EFNA2: variants seen among roughly 807,000 people sequenced by gnomAD.
EFNA2 encodes ephrin-A2.
EFNA2 carries 18 observed loss-of-function variants against 19.7 expected under a neutral mutation model. The observed-to-expected ratio is 0.91, with a 90% CI of 0.63 to 1.35. The LOEUF (loss-of-function observed/expected upper bound fraction) is 1.35, where lower values mean the gene tolerates loss of function less well. EFNA2 is among the 40% of genes most tolerant of loss of function. The probability of loss-of-function intolerance (pLI) is 0.00; values close to 1 mark genes in which losing one functional copy is unlikely to be tolerated. For synonymous variants in EFNA2, 187 were observed against 137.8 expected (o/e 1.36, Z -2.50); for missense variants, 303 against 296.0 (o/e 1.02, Z -0.17).
chr19:1,300,137 G>C lies in EFNA2; in HGVS notation c.*192G>C, dbSNP rs2081534401. On this transcript the variant is annotated 3_prime_UTR_variant, in exon 4 of 4. Coordinates refer to ENST00000215368, the MANE Select transcript of EFNA2 (RefSeq NM_001405.4). ...GGACCAGCCCTCAGGGAGGGGAAAC[G>C]GCCGAGAGCCCCCCCCCGGAGGCCC... The C allele has an allele frequency of 1.3e-6, 1 of 764,240 alleles. No homozygotes were observed. The highest frequency in any genetic ancestry group is 1.9e-6 in the Non-Finnish European group (1 of 520,926). 47.3% of individuals were successfully genotyped at this position (764,240 alleles called of 1,614,324 possible). A position where few individuals can be genotyped will look rare whatever the true frequency, so the allele number is the denominator to read the frequency against.
At chr19:1,290,380 C>T (rs556229795) in intron 1 of EFNA2, among the ~76,000 whole-genome samples, 6 of 152,348 alleles carry the variant, frequency 3.9e-5, no homozygotes, top group African/African-American at 1.4e-4. Context: ...CCCTGGGCGG[C>T]CTCAGTTTGC....
chr19:1,298,748 C>T, intron 3 of EFNA2, 132 bp downstream of exon 3: 1 of 930,320 alleles, frequency 1.1e-6, no homozygotes, highest in Non-Finnish European at 1.6e-6. Context: ...CTTGCCCCAG[C>T]CTCGATTTCC....
At position 1,286,488 on chromosome 19, in the gene EFNA2, C is replaced by A. The variant is rs1398824576; in HGVS notation, c.140+180C>A. Among the ~76,000 whole-genome samples the A allele has an allele frequency of 6.6e-6, 1 of 151,346 alleles. No homozygotes were observed. The highest frequency in any genetic ancestry group is 1.5e-5 in the Non-Finnish European group (1 of 67,800). On this transcript the variant is annotated intron_variant, in intron 1 of 3. Transcript: ENST00000215368. The surrounding 1 kb of genome is among the most constrained non-coding windows in gnomAD (Gnocchi z 5.6). ...CCGGCCCCCCGGAGTTTGGGGGACT[C>A]GCCCTTTTCGCGCCTGCCTTCCCCG...
In EFNA2 at chr19:1,299,416, C is replaced by T. The variant is rs143180924; in HGVS notation, c.521-408C>T. Among the ~76,000 whole-genome samples the T allele has an allele frequency of 3.8e-4, 57 of 151,676 alleles. No homozygotes were observed. The East Asian group carries it at 6.8e-3, about 18-fold the overall frequency. On this transcript the variant is annotated intron_variant, in intron 3 of 3. Transcript: ENST00000215368. ...TGCTGAAAATACAAAATTAGCCGGGCGTGGTGGCACATGCCTGTAGTCCCA... is the reference window on the plus strand; with the variant it reads ...TGCTGAAAATACAAAATTAGCCGGGTGTGGTGGCACATGCCTGTAGTCCCA...
rs1198054394 is a variant in EFNA2 at position 1,286,693 on chromosome 19, T to C, written c.140+385T>C. On this transcript the variant is annotated intron_variant, in intron 1 of 3. Coordinates refer to ENST00000215368, the MANE Select transcript of EFNA2 (RefSeq NM_001405.4). This position sits in a 1 kb window ranked among gnomAD's most constrained non-coding sequence, Gnocchi z 5.6. ...CGCTTCTCTGGGGAGCCCCCTCGGTTTCGCATTTGGTGGGGATCCCCGGGG... is the reference window on the plus strand; with the variant it reads ...CGCTTCTCTGGGGAGCCCCCTCGGTCTCGCATTTGGTGGGGATCCCCGGGG... Among the ~76,000 whole-genome samples the C allele has an allele frequency of 6.6e-6, 1 of 152,050 alleles. No individual in the cohort carries two copies. The highest frequency in any genetic ancestry group is 2.4e-5 in the African/African-American group (1 of 41,412).
At chr19:1,291,049 C>T (rs1215889228) in intron 1 of EFNA2, among the ~76,000 whole-genome samples, 1 of 152,176 alleles carries the variant, frequency 6.6e-6, no homozygotes, top group African/African-American at 2.4e-5. Flanking sequence ...ACAGAGCAGC[C>T]GAGGCCCTGA....
chr19:1,293,750 C>G (rs191003436), intron 1 of EFNA2, among the ~76,000 whole-genome samples: 6 of 152,332 alleles, frequency 3.9e-5, no homozygotes, highest in African/African-American at 1.4e-4. Flanking sequence ...GTGACTTCAC[C>G]GCCTCCGCCG....
chr19:1,300,077 C>G lies in EFNA2; in HGVS notation c.*132C>G. Reference sequence around the variant, plus strand: ...ACGCTGCTTCTCCCTCGCCTGGTGCCGCCCCCGCCGGGCAGGGGCCATCCA... The same window carrying G: ...ACGCTGCTTCTCCCTCGCCTGGTGCGGCCCCCGCCGGGCAGGGGCCATCCA... On this transcript the variant is annotated 3_prime_UTR_variant, in exon 4 of 4. Coordinates refer to ENST00000215368, the MANE Select transcript of EFNA2 (RefSeq NM_001405.4). 1 of 1,295,504 alleles carries G rather than the reference C, an allele frequency of 7.7e-7. No individual in the cohort carries two copies. Among genetic ancestry groups the G allele is most frequent in the Non-Finnish European group, 1.0e-6 (1 of 981,732 alleles). 80.3% of individuals were successfully genotyped at this position (1,295,504 alleles called of 1,614,324 possible). A position where few individuals can be genotyped will look rare whatever the true frequency, so the allele number is the denominator to read the frequency against.
rs1248356398 is a variant in EFNA2, at chr19:1,296,997, C to T, written c.454+1139C>T. Among the ~76,000 whole-genome samples, 1 of 152,224 alleles carries T rather than the reference C, an allele frequency of 6.6e-6. No homozygotes were observed. The highest frequency in any genetic ancestry group is 2.4e-5 in the African/African-American group (1 of 41,446). On this transcript the variant is annotated intron_variant, in intron 2 of 3. Transcript: ENST00000215368. This position sits in a 1 kb window ranked among gnomAD's most constrained non-coding sequence, Gnocchi z 4.4. ...AGCAGCGCCAGCCGGAGTCCCAGTCCTGCTTGGCCATGATATCTGTGACCT... is the reference window on the plus strand; with the variant it reads ...AGCAGCGCCAGCCGGAGTCCCAGTCTTGCTTGGCCATGATATCTGTGACCT...
Position 1,300,413 on chromosome 19 carries a change from C to T in EFNA2, c.*468C>T, listed in dbSNP as rs1440520765. On this transcript the variant is annotated 3_prime_UTR_variant, in exon 4 of 4. Coordinates refer to ENST00000215368, the MANE Select transcript of EFNA2 (RefSeq NM_001405.4). ...GAACATGGGGTCGGGAACACAGCCG[C>T]TCCCCTCTGCTCTGCACCCCACTCG... Among the ~76,000 whole-genome samples, 2 of 151,890 alleles carry T rather than the reference C, an allele frequency of 1.3e-5. No individual in the cohort carries two copies. The highest frequency in any genetic ancestry group is 2.1e-4 in the South Asian group (1 of 4,812).
chr19:1,299,360 C>A (rs547525227), intron 3 of EFNA2, among the ~76,000 whole-genome samples: 1 of 152,050 alleles, frequency 6.6e-6, no homozygotes, highest in Admixed American at 6.6e-5. Context: ...AGATGGAGAC[C>A]GTCCTGGCCA....
chr19:1,293,616 G>A (rs2081501319), intron 1 of EFNA2, among the ~76,000 whole-genome samples: 1 of 150,722 alleles, frequency 6.6e-6, no homozygotes, highest in Admixed American at 6.6e-5. Flanking sequence ...CCTGGTGCCC[G>A]GGGGAGATTT....
chr19:1,294,089 C>G lies in EFNA2; in HGVS notation c.141-1456C>G, dbSNP rs372349526. ...GATCGTAGCAGCCTGCACCCATGTG[C>G]TGCCAACACTGGTGGGGCCTCAGTT... On this transcript the variant is annotated intron_variant, in intron 1 of 3. Transcript: ENST00000215368. The surrounding 1 kb of genome is among the most constrained non-coding windows in gnomAD (Gnocchi z 5.8). 2.6e-5 allele frequency among the ~76,000 whole-genome samples: 4 copies of G among 152,384 alleles called. No homozygotes were observed.
rs923158553 is a variant in EFNA2, at chr19:1,287,961, C to CG, written c.140+1655dup. Among the ~76,000 whole-genome samples the CG allele has an allele frequency of 6.6e-6, 1 of 152,254 alleles. No homozygotes were observed. Among genetic ancestry groups the CG allele is most frequent in the African/African-American group, 2.4e-5 (1 of 41,468 alleles). Reference sequence around the variant, plus strand: ...GGCTGTGGGCTGCGGGCCGGACCCCCGGCCAGGGGAAGGAAGTGGCCTCCC... The same window carrying CG: ...GGCTGTGGGCTGCGGGCCGGACCCCCGGGCCAGGGGAAGGAAGTGGCCTCCC... On this transcript the variant is annotated intron_variant, in intron 1 of 3. Coordinates refer to ENST00000215368, the MANE Select transcript of EFNA2 (RefSeq NM_001405.4). This position sits in a 1 kb window ranked among gnomAD's most constrained non-coding sequence, Gnocchi z 6.2.
chr19:1,298,129 C>G (rs2081524483), intron 2 of EFNA2, among the ~76,000 whole-genome samples: 1 of 150,566 alleles, frequency 6.6e-6, no homozygotes. Flanking sequence ...TACTGTGTTG[C>G]CAGGCGAGGT....
rs1022506335 is a variant in EFNA2 at position 1,300,785 on chromosome 19, C to T, written c.*840C>T. Among the ~76,000 whole-genome samples the T allele has an allele frequency of 1.3e-5, 2 of 152,152 alleles. No homozygotes were observed. Among genetic ancestry groups the T allele is most frequent in the Non-Finnish European group, 2.9e-5 (2 of 68,024 alleles). On this transcript the variant is annotated 3_prime_UTR_variant, in exon 4 of 4. Transcript: ENST00000215368. Reference sequence around the variant, plus strand: ...GCCGTGTCTTAGAAACTGCTTTGGCCGATGCAAACAGCCCCCTACCCGTCC... The same window carrying T: ...GCCGTGTCTTAGAAACTGCTTTGGCTGATGCAAACAGCCCCCTACCCGTCC...
In EFNA2 at chr19:1,300,106, GC is replaced by G; in HGVS notation, c.*165del. 9.5e-7 allele frequency: 1 copy of G among 1,050,394 alleles called. No individual in the cohort carries two copies. The highest frequency in any genetic ancestry group is 1.3e-6 in the Non-Finnish European group (1 of 765,230). 65.1% of individuals were successfully genotyped at this position (1,050,394 alleles called of 1,614,324 possible). A position where few individuals can be genotyped will look rare whatever the true frequency, so the allele number is the denominator to read the frequency against. On this transcript the variant is annotated 3_prime_UTR_variant, in exon 4 of 4. Transcript: ENST00000215368. ...CCCGCCGGGCAGGGGCCATCCACCC[GC>G]CCCAGGACCAGCCCTCAGGGAGGGG...
At chr19:1,293,583 C>T (rs974325401) in intron 1 of EFNA2, among the ~76,000 whole-genome samples, 1 of 152,204 alleles carries the variant, frequency 6.6e-6, no homozygotes, top group African/African-American at 2.4e-5. Context: ...TCCGAAGCCC[C>T]GGAAGGGCCC....
At chr19:1,293,230 C>A (rs200839236) in intron 1 of EFNA2, among the ~76,000 whole-genome samples, 2 of 152,234 alleles carry the variant, frequency 1.3e-5, no homozygotes, top group East Asian at 3.9e-4. Context: ...CTACCATCGA[C>A]CGCCTGATCA....
Sources: gnomAD v4.1 joint callset for allele counts (sites outside exome capture counted in the v4.1 genomes callset) on GRCh38, gnomAD v4.1.1 for gene constraint, Gnocchi (gnomAD v3.1) non-coding constraint, MANE v1.5 for transcripts, NCBI Gene and HGNC (gene_info 2026-07-23, HGNC 2026-07-21) for gene names.